The following AFF3 variants were observed in gnomAD, a reference collection of about 807,000 sequenced individuals.
AFF3 encodes the protein ALF transcription elongation factor 3.
Under a neutral mutation model 129.7 loss-of-function variants are expected in AFF3, and 32 were observed. That is an observed-to-expected ratio of 0.25 (90% CI 0.19 to 0.33). The LOEUF (loss-of-function observed/expected upper bound fraction) is 0.33. Ranked by LOEUF, AFF3 falls within the 10% of genes least tolerant of loss-of-function variation. The probability of loss-of-function intolerance (pLI) is 1.00; values close to 1 mark genes in which losing one functional copy is unlikely to be tolerated. For synonymous variants in AFF3, 644 were observed against 635.4 expected (o/e 1.01, Z -0.20); for missense variants, 1,373 against 1,592.0 (o/e 0.86, Z 2.34).
chr2:99,572,751 A>G (rs1158014708), intron 18 of AFF3: 3 of 423,924 alleles, frequency 7.1e-6, no homozygotes, highest in Non-Finnish European at 1.4e-5. Flanking sequence ...TTAAGTAATT[A>G]TTTTTAATAC....
chr2:99,641,872 G>A (rs1313524976), intron 13 of AFF3, among the ~76,000 whole-genome samples: 2 of 152,142 alleles, frequency 1.3e-5, no homozygotes, highest in African/African-American at 4.8e-5. Context: ...GACTACTTAT[G>A]TGTATGCCAG....
At chr2:100,100,820 T>C in intron 4 of AFF3, among the ~76,000 whole-genome samples, 1 of 151,980 alleles carries the variant, frequency 6.6e-6, no homozygotes, top group East Asian at 1.9e-4. Flanking sequence ...ATGGCTTATA[T>C]GTCTAGCACC....
intron 7 of AFF3, among the ~76,000 whole-genome samples, chr2:99,915,375 G>T (rs554268901): frequency 6.6e-6 from 1 of 152,142 alleles, no homozygotes; most frequent in Non-Finnish European, 1.5e-5. Context: ...ATCACTACAC[G>T]TTATTTATAT....
At chr2:99,955,201 T>C (rs1330431989) in intron 7 of AFF3, among the ~76,000 whole-genome samples, 1 of 152,078 alleles carries the variant, frequency 6.6e-6, no homozygotes, top group African/African-American at 2.4e-5. Flanking sequence ...TAAATAAGGA[T>C]AATAAAATAT....
chr2:99,688,373 A>G (rs1675278322), intron 11 of AFF3, among the ~76,000 whole-genome samples: 1 of 152,224 alleles, frequency 6.6e-6, no homozygotes, highest in Non-Finnish European at 1.5e-5. Flanking sequence ...TCTGGCCAAA[A>G]AGACATTTTC....
intron 12 of AFF3, among the ~76,000 whole-genome samples, 173 bp downstream of exon 12, chr2:99,672,365 T>C (rs184242202): frequency 1.4e-3 from 206 of 152,306 alleles, no homozygotes; most frequent in Admixed American, 3.9e-3. Context: ...AGGGAAATTA[T>C]GGGCAAGCTA....
At chr2:99,790,925 A>C (rs1292566884) in intron 8 of AFF3, among the ~76,000 whole-genome samples, 2 of 152,258 alleles carry the variant, frequency 1.3e-5, no homozygotes, top group Non-Finnish European at 2.9e-5. Context: ...AACAATGGAT[A>C]AAGAAATTAT....
intron 4 of AFF3, among the ~76,000 whole-genome samples, chr2:100,024,623 T>TAA (rs1683888484): frequency 1.3e-5 from 2 of 151,260 alleles, no homozygotes; most frequent in South Asian, 2.1e-4. Context: ...ATAATAATAA[T>TAA]TATTATTATT....
intron 12 of AFF3, among the ~76,000 whole-genome samples, chr2:99,662,627 A>G (rs1686347327): frequency 1.3e-5 from 2 of 152,318 alleles, no homozygotes; most frequent in Admixed American, 6.5e-5. Context: ...GGTATTTGAG[A>G]CTATACTCAG....
chr2:99,880,789 C>T lies in AFF3; in HGVS notation c.874-43265G>A, dbSNP rs118078214. Among the ~76,000 whole-genome samples the T allele has an allele frequency of 7.2e-4, 109 of 152,194 alleles. No homozygotes were observed. The East Asian group carries it at 7.7e-3, about 11-fold the overall frequency. ...GGCAAGGAGATCAGAGAGGAAAGAA[C>T]GGGCATCTGTATGTGGCGACAGATG... is the stretch of plus-strand genomic sequence containing the variant. On this transcript the variant is annotated intron_variant, in intron 7 of 24. Coordinates refer to ENST00000672756, the MANE Select transcript of AFF3 (RefSeq NM_001386135.1).
intron 15 of AFF3, among the ~76,000 whole-genome samples, chr2:99,592,779 C>CA (rs1407631875): frequency 1.3e-5 from 2 of 151,796 alleles, no homozygotes; most frequent in African/African-American, 4.8e-5. Context: ...ACTAAAAATA[C>CA]AAAAAAATTA....
chr2:100,005,506 A>G (rs10203385), intron 7 of AFF3, among the ~76,000 whole-genome samples: 9,620 of 152,230 alleles, frequency 0.063, 1,057 homozygotes, highest in African/African-American at 0.22. Flanking sequence ...GTTTTGTAAG[A>G]TGGTACCTAC....
At chr2:99,926,569 A>G (rs952869156) in intron 7 of AFF3, among the ~76,000 whole-genome samples, 2 of 152,142 alleles carry the variant, frequency 1.3e-5, no homozygotes, top group Non-Finnish European at 2.9e-5. Flanking sequence ...GTTTTTTGTG[A>G]GAGATTTAGG....
At chr2:99,703,509 G>A (rs953480233) in intron 11 of AFF3, among the ~76,000 whole-genome samples, 1 of 152,146 alleles carries the variant, frequency 6.6e-6, no homozygotes, top group Non-Finnish European at 1.5e-5. Context: ...CATTGAAAAC[G>A]TTCCACTCCA....
At chr2:99,916,353 C>T (rs910250255) in intron 7 of AFF3, among the ~76,000 whole-genome samples, 1 of 152,200 alleles carries the variant, frequency 6.6e-6, no homozygotes, top group African/African-American at 2.4e-5. Flanking sequence ...AAAAGTCTAT[C>T]ACTTATTTAC....
At chr2:100,064,335 G>A (rs575743248) in intron 4 of AFF3, among the ~76,000 whole-genome samples, 18 of 152,104 alleles carry the variant, frequency 1.2e-4, no homozygotes, top group Non-Finnish European at 1.5e-4. Context: ...TAGCTGGAGC[G>A]GGTGGGGAGA....
At chr2:99,840,124 T>C (rs1030406239) in intron 7 of AFF3, among the ~76,000 whole-genome samples, 3 of 151,706 alleles carry the variant, frequency 2.0e-5, no homozygotes, top group Non-Finnish European at 4.4e-5. Flanking sequence ...GGGTTGTTTT[T>C]TCACGCTCTT....
intron 8 of AFF3, among the ~76,000 whole-genome samples, chr2:99,805,893 C>T (rs914225972): frequency 6.6e-6 from 1 of 151,132 alleles, no homozygotes; most frequent in African/African-American, 2.4e-5. Flanking sequence ...GAACAGGATG[C>T]TTTTGTTTTT....
At chr2:99,569,738 G>T (rs1468727012) in intron 18 of AFF3, among the ~76,000 whole-genome samples, 1 of 152,050 alleles carries the variant, frequency 6.6e-6, no homozygotes, top group Non-Finnish European at 1.5e-5. Flanking sequence ...ACATTTTTAG[G>T]CACCGGCAGC....
Sources: allele counts gnomAD v4.1 joint callset (sites outside exome capture counted in the v4.1 genomes callset), GRCh38; gene constraint gnomAD v4.1.1; transcripts MANE v1.5; gene names NCBI Gene and HGNC (gene_info 2026-07-23, HGNC 2026-07-21).